RIMS2: variants seen among roughly 807,000 people sequenced by gnomAD.
The protein encoded by RIMS2 is regulating synaptic membrane exocytosis protein 2.
Under a neutral mutation model 174.4 loss-of-function variants are expected in RIMS2, and 59 were observed. The ratio of observed to expected loss-of-function variants is 0.34; its 90% CI spans 0.27 to 0.42. The LOEUF (loss-of-function observed/expected upper bound fraction) is 0.42. RIMS2 is among the 10% of genes least tolerant of loss of function. The probability of loss-of-function intolerance (pLI) is 1.00; values close to 1 mark genes in which losing one functional copy is unlikely to be tolerated. For synonymous variants in RIMS2, 606 were observed against 572.5 expected (o/e 1.06, Z -0.84); for missense variants, 1,620 against 1,666.3 (o/e 0.97, Z 0.48).
Position 104,014,625 on chromosome 8 carries a change from AT to A in RIMS2, c.3334+13del, listed in dbSNP as rs751758372. 2.0e-6 allele frequency: 3 copies of A among 1,536,114 alleles called. No homozygotes were observed. The highest frequency in any genetic ancestry group is 2.7e-6 in the Non-Finnish European group (3 of 1,109,682). On this transcript the variant is annotated intron_variant, in intron 19 of 23. Transcript: ENST00000504942. The stretch of plus-strand genomic sequence containing the variant: ...GGAACGTTGGATAGAAGTAAGTTTT[AT>A]TTCTAATTGTCTCGTTTAGGAAATA...
chr8:103,904,497 G>C (rs2073949782), intron 4 of RIMS2, among the ~76,000 whole-genome samples: 1 of 151,658 alleles, frequency 6.6e-6, no homozygotes, highest in African/African-American at 2.4e-5. Flanking sequence ...TTTTTTTTTA[G>C]AGTTTTTAAA....
At chr8:103,839,893 GT>G (rs375627825) in intron 3 of RIMS2, among the ~76,000 whole-genome samples, 10 of 152,282 alleles carry the variant, frequency 6.6e-5, no homozygotes, top group African/African-American at 2.4e-4. Flanking sequence ...AATTCTAGCT[GT>G]CTTAACAAGC....
intron 1 of RIMS2, among the ~76,000 whole-genome samples, chr8:103,647,688 A>G (rs1049024961): frequency 1.3e-5 from 2 of 151,868 alleles, no homozygotes; most frequent in Non-Finnish European, 2.9e-5. Flanking sequence ...TGTTTCTTAT[A>G]TATTTTCTAG....
chr8:104,224,014 C>T (rs1353818857), intron 19 of RIMS2, among the ~76,000 whole-genome samples: 1 of 152,224 alleles, frequency 6.6e-6, no homozygotes, highest in East Asian at 1.9e-4. Flanking sequence ...GGAAAAGGCT[C>T]TCCTAGTGGA....
intron 1 of RIMS2, among the ~76,000 whole-genome samples, chr8:103,613,449 C>A (rs2095433864): frequency 6.6e-6 from 1 of 152,176 alleles, no homozygotes; most frequent in African/African-American, 2.4e-5. Context: ...CCCTTCAGGG[C>A]AGTGGGCTCC....
In RIMS2 at chr8:103,770,296, C is replaced by G. The variant is rs373991452; in HGVS notation, c.698+3759C>G. ...TGGGTCTCAAAACTGCAAATATAGT[C>G]CGGGTGCAATGGCTTATGCCTGTAA... On this transcript the variant is annotated intron_variant, in intron 3 of 23. Coordinates refer to ENST00000504942, the Ensembl canonical transcript of RIMS2. 1.3e-4 allele frequency among the ~76,000 whole-genome samples: 20 copies of G among 152,294 alleles called. No homozygotes were observed. The South Asian group carries it at 4.1e-3, about 32-fold the overall frequency.
intron 19 of RIMS2, among the ~76,000 whole-genome samples, chr8:104,162,447 T>C (rs187019320): frequency 1.3e-5 from 2 of 152,308 alleles, no homozygotes; most frequent in Admixed American, 1.3e-4. Context: ...TTTTCACAAC[T>C]TGAGATGTAA....
At chr8:103,629,821 C>A (rs868011804) in intron 1 of RIMS2, among the ~76,000 whole-genome samples, 1 of 151,286 alleles carries the variant, frequency 6.6e-6, no homozygotes, top group Non-Finnish European at 1.5e-5. Flanking sequence ...AAACTATAAA[C>A]TTGAAACCTG....
chr8:104,208,682 G>A (rs2099091982), intron 19 of RIMS2, among the ~76,000 whole-genome samples: 1 of 152,118 alleles, frequency 6.6e-6, no homozygotes, highest in African/African-American at 2.4e-5. Flanking sequence ...GTAAATAGCA[G>A]GAACCAAATA....
intron 19 of RIMS2, among the ~76,000 whole-genome samples, chr8:104,116,145 G>A (rs1027570580): frequency 7.9e-5 from 12 of 152,154 alleles, no homozygotes; most frequent in Admixed American, 6.6e-4. Flanking sequence ...CATTTCTAAA[G>A]TATTCCTGTT....
At chr8:103,536,657 G>A (rs1839893249) in intron 1 of RIMS2, among the ~76,000 whole-genome samples, 1 of 152,042 alleles carries the variant, frequency 6.6e-6, no homozygotes, top group Non-Finnish European at 1.5e-5. Flanking sequence ...GAAGGGGGAG[G>A]TGCTATACGC....
At chr8:103,642,037 T>C (rs912260281) in intron 1 of RIMS2, among the ~76,000 whole-genome samples, 4 of 152,196 alleles carry the variant, frequency 2.6e-5, no homozygotes, top group East Asian at 1.9e-4. Context: ...ATTTAGACCA[T>C]TCACGTTTAA....
chr8:103,921,807 C>G (rs1459404077), intron 10 of RIMS2, 23 bp downstream of exon 13: 5 of 840,174 alleles, frequency 6.0e-6, no homozygotes, highest in Non-Finnish European at 1.0e-5. Context: ...TACGTTTACT[C>G]TTCTTTTTGG....
At chr8:103,633,045 G>C (rs1269739975) in intron 1 of RIMS2, among the ~76,000 whole-genome samples, 1 of 135,618 alleles carries the variant, frequency 7.4e-6, no homozygotes, top group African/African-American at 2.8e-5. Context: ...TTTTTTTTTT[G>C]AGATGGAGTC....
chr8:103,571,494 G>C (rs1472693134), intron 1 of RIMS2, among the ~76,000 whole-genome samples: 2 of 152,034 alleles, frequency 1.3e-5, no homozygotes, highest in Non-Finnish European at 2.9e-5. Context: ...TGGATACTGT[G>C]ACAGCAAATA....
intron 2 of RIMS2, among the ~76,000 whole-genome samples, chr8:103,702,503 G>T (rs2097177771): frequency 6.8e-6 from 1 of 146,162 alleles, no homozygotes; most frequent in Non-Finnish European, 1.5e-5. Context: ...ATAAATATTT[G>T]CCTAGACCAT....
intron 21 of RIMS2, 49 bp downstream of exon 27, chr8:104,248,862 A>C: frequency 1.0e-6 from 1 of 973,398 alleles, no homozygotes; most frequent in Non-Finnish European, 1.7e-6. Context: ...AGATTGTTGA[A>C]AATGAAATTC....
downstream of RIMS2, chr8:104,255,993 C>G (rs964242840): frequency 1.3e-5 from 2 of 152,202 alleles, no homozygotes; most frequent in Non-Finnish European, 2.9e-5. Context: ...ATTAAATCAA[C>G]ACTTTAACTA....
At chr8:104,029,167 ACC>A (rs1444052121) in intron 19 of RIMS2, among the ~76,000 whole-genome samples, 11 of 152,302 alleles carry the variant, frequency 7.2e-5, no homozygotes, top group Admixed American at 1.3e-4. Context: ...TAGCATATGA[ACC>A]GTGAGGACAA....
Sources: allele counts gnomAD v4.1 joint callset (sites outside exome capture counted in the v4.1 genomes callset), GRCh38; gene constraint gnomAD v4.1.1; transcripts MANE v1.5; gene names NCBI Gene and HGNC (gene_info 2026-07-23, HGNC 2026-07-21).